BMPR1B: variants seen among roughly 807,000 people sequenced by gnomAD.
The protein encoded by BMPR1B is bone morphogenetic protein receptor type-1B.
Under a neutral mutation model 59.1 loss-of-function variants are expected in BMPR1B, and 12 were observed. The observed-to-expected ratio is 0.20, with a 90% CI of 0.13 to 0.33. The LOEUF is 0.33. BMPR1B is among the 10% of genes least tolerant of loss of function. The pLI, the probability that BMPR1B is intolerant of heterozygous loss-of-function variation, is 1.00. For missense variants in BMPR1B, 550 were observed against 610.9 expected, an observed-to-expected ratio of 0.90 and a Z score of 1.05; for synonymous variants, 237 against 207.3, an observed-to-expected ratio of 1.14 and a Z score of -1.23.
rs1404817580 is a variant in BMPR1B, at chr4:95,112,689, T to G, written c.144-2031T>G. Among the ~76,000 whole-genome samples, 7 of 152,046 alleles carry G rather than the reference T, an allele frequency of 4.6e-5. No individual in the cohort carries two copies. In the East Asian group the frequency reaches 1.3e-3, roughly 29 times the overall value. On this transcript the variant is annotated intron_variant, in intron 4 of 12. Transcript: ENST00000515059. The stretch of plus-strand genomic sequence containing the variant: ...ACTATTTTCTCAGGGTCTCCCCTCT[T>G]TATATTTTTAGCTCCTCTCTCTTTG...
chr4:94,933,891 G>A (rs146819213), intron 2 of BMPR1B, among the ~76,000 whole-genome samples: 7 of 152,148 alleles, frequency 4.6e-5, no homozygotes, highest in East Asian at 1.9e-4. Flanking sequence ...AAAAGAAAAC[G>A]AAAAGTTTAA....
chr4:95,017,797 T>A (rs1723686696), intron 3 of BMPR1B, among the ~76,000 whole-genome samples: 3 of 152,226 alleles, frequency 2.0e-5, no homozygotes. Flanking sequence ...CTTTTTCTAA[T>A]GCAAAGAGTC....
intron 2 of BMPR1B, among the ~76,000 whole-genome samples, chr4:94,884,888 T>C (rs57560594): frequency 0.069 from 10,547 of 152,220 alleles, 957 homozygotes; most frequent in African/African-American, 0.21. Flanking sequence ...ACAGCAGAAG[T>C]AATGGTGTAC....
intron 4 of BMPR1B, among the ~76,000 whole-genome samples, chr4:95,109,701 TA>T (rs869074433): frequency 1.6e-3 from 5 of 3,188 alleles, no homozygotes; most frequent in Admixed American, 0.026. Context: ...AACTTCTTTT[TA>T]TTATTATTAT....
At position 95,155,662 on chromosome 4, in the gene BMPR1B, A is replaced by G. The variant is rs11097457; in HGVS notation, c.*989A>G. The G allele has an allele frequency of 0.63, 94,812 of 151,436 alleles. 29,976 individuals carry two copies. The highest frequency in any genetic ancestry group is 0.75 in the Middle Eastern group (219 of 292). 9.4% of individuals were successfully genotyped at this position (151,436 alleles called of 1,614,324 possible). On this transcript the variant is annotated 3_prime_UTR_variant, in exon 13 of 13. Coordinates refer to ENST00000515059, the MANE Select transcript of BMPR1B (RefSeq NM_001203.3). ...AGAGGAACATGTCAACAAAGATAGG[A>G]AATGAGGGTGATCGTGCAGATGGCT...
intron 1 of BMPR1B, among the ~76,000 whole-genome samples, chr4:94,830,490 A>G (rs1724543638): frequency 1.3e-5 from 2 of 152,152 alleles, no homozygotes; most frequent in South Asian, 4.1e-4. Context: ...ATTTGATTCC[A>G]TGTAGCATAT....
chr4:94,774,172 C>T (rs866640777), intron 1 of BMPR1B, among the ~76,000 whole-genome samples: 5 of 152,004 alleles, frequency 3.3e-5, no homozygotes, highest in African/African-American at 1.2e-4. Flanking sequence ...CCCTATGACA[C>T]GTCAGTATTT....
intron 10 of BMPR1B, among the ~76,000 whole-genome samples, chr4:95,137,564 A>G (rs1300010861): frequency 6.6e-6 from 1 of 152,110 alleles, no homozygotes; most frequent in Admixed American, 6.5e-5. Context: ...GTAGGTCTCT[A>G]AGGACTCGCT....
intron 1 of BMPR1B, among the ~76,000 whole-genome samples, chr4:94,807,716 A>C (rs1395778117): frequency 6.6e-6 from 1 of 152,158 alleles, no homozygotes; most frequent in East Asian, 1.9e-4. Context: ...ACAGAGTCTC[A>C]TTCTGTCGCC....
At chr4:94,897,182 G>A (rs1727619614) in intron 2 of BMPR1B, among the ~76,000 whole-genome samples, 1 of 151,970 alleles carries the variant, frequency 6.6e-6, no homozygotes, top group Non-Finnish European at 1.5e-5. Context: ...TTGGAAAGGG[G>A]GATTAAAGCC....
chr4:94,994,291 A>C (rs551922047), intron 2 of BMPR1B, among the ~76,000 whole-genome samples: 4 of 152,162 alleles, frequency 2.6e-5, no homozygotes, highest in Non-Finnish European at 5.9e-5. Flanking sequence ...TCTAAGCTCC[A>C]GCAAGAAAGA....
At chr4:95,103,006 G>T (rs1730935359) in intron 3 of BMPR1B, among the ~76,000 whole-genome samples, 1 of 151,966 alleles carries the variant, frequency 6.6e-6, no homozygotes, top group African/African-American at 2.4e-5. Flanking sequence ...GGTGCCCACT[G>T]CAATCAACAT....
chr4:94,954,189 A>G (rs1214857425), intron 2 of BMPR1B, among the ~76,000 whole-genome samples: 3 of 152,050 alleles, frequency 2.0e-5, no homozygotes, highest in Non-Finnish European at 4.4e-5. Flanking sequence ...TTTTCATCCT[A>G]TTCTCTCTCT....
rs753476921 is a variant in BMPR1B, at chr4:95,120,679, T to TTTTC, written c.350-3117_350-3114dup. On this transcript the variant is annotated intron_variant, in intron 6 of 12. Coordinates refer to ENST00000515059, the MANE Select transcript of BMPR1B (RefSeq NM_001203.3). ...CCTTCCTTCCTTCTTCTTTCTTTTCTTTTCTTTCTTTCTTTCTCTCTTTCT... is the reference window on the plus strand; with the variant it reads ...CCTTCCTTCCTTCTTCTTTCTTTTCTTTTCTTTCTTTCTTTCTTTCTCTCTTTCT... Among the ~76,000 whole-genome samples the TTTTC allele has an allele frequency of 5.5e-4, 49 of 89,250 alleles. No homozygotes were observed. The Admixed American group carries it at 6.0e-3, about 11-fold the overall frequency. The allele number at this position is 89,250 out of a possible 152,430, so 58.6% of individuals were successfully genotyped here.
intron 2 of BMPR1B, among the ~76,000 whole-genome samples, chr4:94,980,344 A>G (rs1446709187): frequency 6.6e-6 from 1 of 152,164 alleles, no homozygotes; most frequent in Non-Finnish European, 1.5e-5. Flanking sequence ...TGTAGCCCTA[A>G]TTTTGCCTCA....
At chr4:94,877,977 C>A (rs1292866076) in intron 2 of BMPR1B, among the ~76,000 whole-genome samples, 1 of 152,014 alleles carries the variant, frequency 6.6e-6, no homozygotes, top group East Asian at 1.9e-4. Flanking sequence ...TGTGTATATG[C>A]ATTTACATTG....
chr4:94,919,254 G>A (rs1297918700), intron 2 of BMPR1B, among the ~76,000 whole-genome samples: 5 of 152,102 alleles, frequency 3.3e-5, no homozygotes. Flanking sequence ...CCTTTTCCAC[G>A]ATGCATTATA....
intron 2 of BMPR1B, among the ~76,000 whole-genome samples, chr4:94,908,061 T>TAAAAAAAAAAAAAAAAAAAAAAAAA (rs571793477): frequency 1.3e-4 from 6 of 46,254 alleles, no homozygotes; most frequent in African/African-American, 2.9e-4. Flanking sequence ...ACCCTGTCTT[T>TAAAAAAAAAAAAAAAAAAAAAAAAA]AAAAAAAAAA....
intron 4 of BMPR1B, among the ~76,000 whole-genome samples, chr4:95,107,766 C>T (rs944027890): frequency 6.6e-6 from 1 of 152,020 alleles, no homozygotes; most frequent in Non-Finnish European, 1.5e-5. Context: ...TCTTGGCCAG[C>T]GGCCAGTTCT....
Sources: allele counts gnomAD v4.1 joint callset (sites outside exome capture counted in the v4.1 genomes callset), GRCh38; gene constraint gnomAD v4.1.1; transcripts MANE v1.5; gene names NCBI Gene and HGNC (gene_info 2026-07-23, HGNC 2026-07-21).